Variants in GNG7 observed in about 807,000 individuals in gnomAD.
The protein encoded by GNG7 is G protein subunit gamma 7.
GNG7 carries 1 observed loss-of-function variant against 4.0 expected under a neutral mutation model. That is an observed-to-expected ratio of 0.25 (90% CI 0.09 to 1.18). The LOEUF (loss-of-function observed/expected upper bound fraction) is 1.18, where lower values mean the gene tolerates loss of function less well. Among genes scored for constraint, GNG7 ranks in the 50% most tolerant of loss-of-function variants. The pLI is 0.50. For missense variants in GNG7, 86 were observed against 91.9 expected (o/e 0.94, Z 0.26); for synonymous variants, 34 against 36.9 (o/e 0.92, Z 0.29).
At chr19:2,657,336 T>A (rs1311247432) in intron 1 of GNG7, among the ~76,000 whole-genome samples, 1 of 4,362 alleles carries the variant, frequency 2.3e-4, no homozygotes, top group African/African-American at 7.1e-4. Context: ...CCCGTCTCAA[T>A]TAAAAAAAAA....
chr19:2,658,989 A>G (rs1489027434), intron 1 of GNG7, among the ~76,000 whole-genome samples: 1 of 144,466 alleles, frequency 6.9e-6, no homozygotes, highest in Non-Finnish European at 1.5e-5. Context: ...TTTTTTTTTG[A>G]AATGGAGTCT....
intron 2 of GNG7, among the ~76,000 whole-genome samples, chr19:2,619,026 C>G (rs1417369053): frequency 6.6e-6 from 1 of 152,082 alleles, no homozygotes; most frequent in African/African-American, 2.4e-5. Context: ...CCATGAAAAA[C>G]AAACAAACAA....
chr19:2,599,711 C>T (rs901260396), intron 2 of GNG7, among the ~76,000 whole-genome samples: 3 of 152,204 alleles, frequency 2.0e-5, no homozygotes, highest in Admixed American at 6.5e-5. Flanking sequence ...CCGAGGCAGG[C>T]GGATCACCTG....
At position 2,575,698 on chromosome 19, in the gene GNG7, C is replaced by G. The variant is rs555727031; in HGVS notation, c.-77-20510G>C. ...GCAGACACGCAGGCACACGCAGACA[C>G]ACGCAGACAGGCAGGCACACGCAGA... On this transcript the variant is annotated intron_variant, in intron 2 of 4. Transcript: ENST00000382159. Among the ~76,000 whole-genome samples, 4 of 123,064 alleles carry G rather than the reference C, an allele frequency of 3.3e-5. No individual in the cohort carries two copies. The South Asian group carries it at 9.5e-4, about 29-fold the overall frequency. The allele number at this position is 123,064 out of a possible 152,430, so 80.7% of individuals were successfully genotyped here. A position where few individuals can be genotyped will look rare whatever the true frequency, so the allele number is the denominator to read the frequency against.
At chr19:2,589,363 C>T (rs1490880165) in intron 2 of GNG7, among the ~76,000 whole-genome samples, 1 of 128,350 alleles carries the variant, frequency 7.8e-6, no homozygotes, top group Non-Finnish European at 1.7e-5. Flanking sequence ...GCTGGGACTA[C>T]AGGTGCACTT....
At chr19:2,636,706 A>C (rs191868081) in intron 2 of GNG7, among the ~76,000 whole-genome samples, 2 of 152,220 alleles carry the variant, frequency 1.3e-5, no homozygotes, top group Admixed American at 1.3e-4. Flanking sequence ...GTGTGCCCAC[A>C]GGGGCCCCTA....
chr19:2,652,010 A>C (rs544477113), intron 1 of GNG7, among the ~76,000 whole-genome samples: 24 of 151,792 alleles, frequency 1.6e-4, no homozygotes, highest in African/African-American at 5.8e-4. Context: ...CCCCGTCTGT[A>C]CTAAAAATAC....
chr19:2,692,507 C>T (rs909274399), intron 1 of GNG7, among the ~76,000 whole-genome samples: 1 of 151,744 alleles, frequency 6.6e-6, no homozygotes, highest in Non-Finnish European at 1.5e-5. Flanking sequence ...TGGTGGCGGG[C>T]GTCTGTAGTC....
At chr19:2,538,042 C>T (rs1020574579) in intron 3 of GNG7, 7 of 428,080 alleles carry the variant, frequency 1.6e-5, no homozygotes, top group Non-Finnish European at 2.8e-5. Flanking sequence ...GCGCCACTGC[C>T]CTCCAGCCTG....
chr19:2,518,758 G>A (rs919723582), intron 4 of GNG7, among the ~76,000 whole-genome samples: 2 of 152,124 alleles, frequency 1.3e-5, no homozygotes, highest in Non-Finnish European at 2.9e-5. Flanking sequence ...GCACTAGGGC[G>A]GGCCATGGTG....
chr19:2,598,241 G>A (rs1408489225), intron 2 of GNG7, among the ~76,000 whole-genome samples: 2 of 152,144 alleles, frequency 1.3e-5, no homozygotes, highest in South Asian at 2.1e-4. Context: ...ACTAGTGGGC[G>A]GCCGGGCGCG....
intron 2 of GNG7, among the ~76,000 whole-genome samples, chr19:2,605,711 A>C (rs186109130): frequency 2.0e-5 from 3 of 149,194 alleles, no homozygotes; most frequent in Non-Finnish European, 4.4e-5. Context: ...ACGGGGTTTC[A>C]CCATGTTGGC....
At chr19:2,531,071 C>T (rs185967194) in intron 3 of GNG7, among the ~76,000 whole-genome samples, 48 of 152,006 alleles carry the variant, frequency 3.2e-4, no homozygotes, top group Middle Eastern at 3.4e-3. Flanking sequence ...TTTGGGAGAC[C>T]GAGGCAGGTG....
chr19:2,650,984 G>C (rs1201588717), intron 1 of GNG7, among the ~76,000 whole-genome samples: 1 of 152,120 alleles, frequency 6.6e-6, no homozygotes, highest in African/African-American at 2.4e-5. Flanking sequence ...CCCAGCTCAG[G>C]GCCCTGGGCA....
chr19:2,567,455 A>G (rs906107707), intron 2 of GNG7, among the ~76,000 whole-genome samples: 1 of 151,980 alleles, frequency 6.6e-6, no homozygotes, highest in African/African-American at 2.4e-5. Flanking sequence ...CCTCCTGAGC[A>G]GCTGGGACTA....
At position 2,640,365 on chromosome 19, in the gene GNG7, A is replaced by G. The variant is rs118154121; in HGVS notation, c.-78+5859T>C. Among the ~76,000 whole-genome samples the G allele has an allele frequency of 7.2e-3, 1,092 of 152,268 alleles. 4 individuals are homozygous for G. The highest frequency in any genetic ancestry group is 0.012 in the Non-Finnish European group (818 of 68,010). On this transcript the variant is annotated intron_variant, in intron 2 of 4. Transcript: ENST00000382159. The stretch of plus-strand genomic sequence containing the variant: ...ACATTATAAAATCATTTTTAAAGTG[A>G]TAAGTCACCACCCCCTATCACACAG...
chr19:2,613,726 C>T (rs1049360544), intron 2 of GNG7, among the ~76,000 whole-genome samples: 3 of 151,668 alleles, frequency 2.0e-5, no homozygotes, highest in East Asian at 1.9e-4. Flanking sequence ...GAGGTGCTCC[C>T]GGCATGGAGT....
In GNG7 at chr19:2,546,912, G is replaced by A. The variant is rs1008738390; in HGVS notation, c.-38+8237C>T. 4.5e-4 allele frequency among the ~76,000 whole-genome samples: 68 copies of A among 152,236 alleles called. 1 individual carries two copies. The highest frequency in any genetic ancestry group is 1.5e-3 in the African/African-American group (64 of 41,560). ...CTGTCACTCCAGTTCTGGGCTTCCC[G>A]GCTGAGGAAATGCTGTCACCCTGGC... On this transcript the variant is annotated intron_variant, in intron 3 of 4. Transcript: ENST00000382159. This position sits in a 1 kb window ranked among gnomAD's most constrained non-coding sequence, Gnocchi z 6.3.
intron 4 of GNG7, among the ~76,000 whole-genome samples, chr19:2,518,801 T>C (rs1433225617): frequency 6.6e-6 from 1 of 152,086 alleles, no homozygotes; most frequent in Non-Finnish European, 1.5e-5. Flanking sequence ...TTTTTGTTTT[T>C]GTTTTTTTTC....
Sources: gnomAD v4.1 joint callset for allele counts (sites outside exome capture counted in the v4.1 genomes callset) on GRCh38, gnomAD v4.1.1 for gene constraint, Gnocchi (gnomAD v3.1) non-coding constraint, MANE v1.5 for transcripts, NCBI Gene and HGNC (gene_info 2026-07-23, HGNC 2026-07-21) for gene names.